FRMD4B: variants seen among roughly 807,000 people sequenced by gnomAD.
FRMD4B encodes FERM domain-containing protein 4B.
FRMD4B carries 74 observed loss-of-function variants against 141.5 expected under a neutral mutation model. That is an observed-to-expected ratio of 0.52 (90% CI 0.43 to 0.63). The LOEUF (loss-of-function observed/expected upper bound fraction) is 0.63, where lower values mean the gene tolerates loss of function less well. Among genes scored for constraint, FRMD4B ranks in the 30% least tolerant of loss-of-function variants. FRMD4B has a pLI of 0.00. For synonymous variants in FRMD4B, 506 were observed against 467.9 expected (o/e 1.08, Z -1.05); for missense variants, 1,366 against 1,253.4 (o/e 1.09, Z -1.36).
chr3:69,242,191 G>A (rs2093389589), intron 7 of FRMD4B, among the ~76,000 whole-genome samples: 3 of 152,132 alleles, frequency 2.0e-5, no homozygotes, highest in African/African-American at 7.2e-5. Flanking sequence ...AAGTGGCTGG[G>A]CCTGGATTTG....
At chr3:69,333,144 G>A (rs2107340359) in intron 1 of FRMD4B, among the ~76,000 whole-genome samples, 1 of 152,152 alleles carries the variant, frequency 6.6e-6, no homozygotes, top group East Asian at 1.9e-4. Flanking sequence ...GGCTCAGCCT[G>A]CCAGTCCCTG....
At chr3:69,266,546 G>A (rs776667792) in intron 5 of FRMD4B, among the ~76,000 whole-genome samples, 3 of 151,998 alleles carry the variant, frequency 2.0e-5, no homozygotes, top group South Asian at 2.1e-4. Flanking sequence ...GGCTGGTCTC[G>A]AACTCCTGAC....
chr3:69,241,926 A>G (rs193005805), intron 7 of FRMD4B, among the ~76,000 whole-genome samples: 192 of 151,840 alleles, frequency 1.3e-3, no homozygotes, highest in Non-Finnish European at 1.6e-3. Flanking sequence ...AAAAAAGGAA[A>G]CCTCTAACAG....
At chr3:69,447,752 C>G (rs1000128192) in intron 1 of FRMD4B, among the ~76,000 whole-genome samples, 1 of 152,152 alleles carries the variant, frequency 6.6e-6, no homozygotes, top group African/African-American at 2.4e-5. Context: ...TCTGACATTA[C>G]GTATTACTTT....
chr3:69,292,521 C>T (rs1439149482), intron 4 of FRMD4B, among the ~76,000 whole-genome samples: 2 of 152,174 alleles, frequency 1.3e-5, no homozygotes, highest in Non-Finnish European at 2.9e-5. Context: ...ACATCCTAGT[C>T]CCAGTAAACA....
At chr3:69,436,304 G>C (rs900423759) in intron 1 of FRMD4B, among the ~76,000 whole-genome samples, 1 of 152,186 alleles carries the variant, frequency 6.6e-6, no homozygotes, top group African/African-American at 2.4e-5. Flanking sequence ...AAACGTAGGT[G>C]TTACGGATCA....
At chr3:69,325,392 C>T (rs1233435226) in intron 1 of FRMD4B, among the ~76,000 whole-genome samples, 3 of 152,196 alleles carry the variant, frequency 2.0e-5, no homozygotes, top group Non-Finnish European at 2.9e-5. Context: ...AAATGACAAT[C>T]CCTTATCAGA....
intron 5 of FRMD4B, among the ~76,000 whole-genome samples, chr3:69,271,545 A>C (rs1020666585): frequency 6.6e-6 from 1 of 152,002 alleles, no homozygotes; most frequent in Non-Finnish European, 1.5e-5. Flanking sequence ...GATTTTCACA[A>C]ATGCACAAGG....
At chr3:69,424,856 A>G (rs530143089) in intron 2 of FRMD4B, among the ~76,000 whole-genome samples, 1 of 152,346 alleles carries the variant, frequency 6.6e-6, no homozygotes, top group East Asian at 1.9e-4. Context: ...AAAATAATGA[A>G]TGTAAGATTC....
intron 5 of FRMD4B, among the ~76,000 whole-genome samples, chr3:69,255,015 C>T (rs759877277): frequency 2.6e-5 from 4 of 152,060 alleles, no homozygotes; most frequent in Admixed American, 6.5e-5. Context: ...ACTGAAGAAT[C>T]GTAACAACTA....
At chr3:69,264,963 T>C (rs1057110546) in intron 5 of FRMD4B, among the ~76,000 whole-genome samples, 1 of 151,928 alleles carries the variant, frequency 6.6e-6, no homozygotes, top group Non-Finnish European at 1.5e-5. Context: ...AATACAAATA[T>C]ACAGATATGA....
intron 1 of FRMD4B, among the ~76,000 whole-genome samples, chr3:69,439,581 A>T (rs1262539170): frequency 6.6e-6 from 1 of 152,190 alleles, no homozygotes; most frequent in Non-Finnish European, 1.5e-5. Flanking sequence ...AAATACCAAG[A>T]GTCCCTCCTT....
At chr3:69,373,299 G>C (rs1703880578) in intron 1 of FRMD4B, among the ~76,000 whole-genome samples, 1 of 152,214 alleles carries the variant, frequency 6.6e-6, no homozygotes, top group African/African-American at 2.4e-5. Flanking sequence ...GAGAGTGCTA[G>C]AAAGAAATGT....
chr3:69,366,253 C>T (rs1703649175), intron 1 of FRMD4B, among the ~76,000 whole-genome samples: 1 of 145,606 alleles, frequency 6.9e-6, no homozygotes, highest in South Asian at 2.1e-4. Context: ...GAGCAAGGCT[C>T]TGTCTCAAAA....
rs34854483 is a variant in FRMD4B, at chr3:69,335,732, G to GTT, written c.163-22217_163-22216dup. Reference sequence around the variant, plus strand: ...TATCTTATCTGCTGGGCAGGACTGAGTTTTTTTTTTTTTTTTCTTTTGAGA... The same window carrying GTT: ...TATCTTATCTGCTGGGCAGGACTGAGTTTTTTTTTTTTTTTTTTCTTTTGAGA... On this transcript the variant is annotated intron_variant, in intron 1 of 22. Transcript: ENST00000398540. Among the ~76,000 whole-genome samples the GTT allele has an allele frequency of 1.6e-4, 22 of 137,760 alleles. 1 individual carries two copies. The highest frequency in any genetic ancestry group is 4.7e-4 in the South Asian group (2 of 4,278). The allele number at this position is 137,760 out of a possible 152,430, so 90.4% of individuals were successfully genotyped here.
At chr3:69,216,234 A>G (rs371033889) in intron 11 of FRMD4B, 29 bp downstream of exon 11, 4 of 1,141,192 alleles carry the variant, frequency 3.5e-6, no homozygotes, top group African/African-American at 1.5e-5. Flanking sequence ...TGAACAGTTC[A>G]AAGTTCTCCT....
chr3:69,535,894 C>T (rs1304173716), intron 1 of FRMD4B: 12 of 424,982 alleles, frequency 2.8e-5, no homozygotes, highest in Middle Eastern at 6.5e-4. Flanking sequence ...CCATTCTTGA[C>T]CTTGCTGACA....
At chr3:69,188,630 G>A (rs954079068) in intron 18 of FRMD4B, among the ~76,000 whole-genome samples, 7 of 151,646 alleles carry the variant, frequency 4.6e-5, no homozygotes, top group South Asian at 2.1e-4. Flanking sequence ...GGTGGCGGGC[G>A]CCTGTAGTCC....
intron 1 of FRMD4B, among the ~76,000 whole-genome samples, chr3:69,522,864 G>A (rs1402262810): frequency 6.6e-6 from 1 of 152,154 alleles, no homozygotes; most frequent in Non-Finnish European, 1.5e-5. Flanking sequence ...ATAGCAAGGT[G>A]GGCCTGGAGA....
Sources: allele counts gnomAD v4.1 joint callset (sites outside exome capture counted in the v4.1 genomes callset), GRCh38; gene constraint gnomAD v4.1.1; transcripts MANE v1.5; gene names NCBI Gene and HGNC (gene_info 2026-07-23, HGNC 2026-07-21).